The following EIF2AK2 variants were observed in gnomAD, a reference collection of about 807,000 sequenced individuals.
The protein encoded by EIF2AK2 is interferon-induced, double-stranded RNA-activated protein kinase.
EIF2AK2 carries 40 observed loss-of-function variants against 70.5 expected under a neutral mutation model. That is an observed-to-expected ratio of 0.57 (90% CI 0.44 to 0.74). EIF2AK2 has a LOEUF of 0.74. Ranked by LOEUF, EIF2AK2 falls within the 30% of genes least tolerant of loss-of-function variation. EIF2AK2 has a pLI of 0.00. For missense variants in EIF2AK2, 555 were observed against 644.3 expected (o/e 0.86, Z 1.50); for synonymous variants, 198 against 220.9 (o/e 0.90, Z 0.92).
chr2:37,141,772 T>A, intron 4 of EIF2AK2, 71 bp from the exon 5 acceptor site: 1 of 1,422,528 alleles, frequency 7.0e-7, no homozygotes, highest in Non-Finnish European at 9.4e-7. Context: ...ATCATTCTTC[T>A]AATAAAATTA....
intron 10 of EIF2AK2, among the ~76,000 whole-genome samples, 162 bp downstream of exon 10, chr2:37,135,322 C>A (rs1675088856): frequency 6.6e-6 from 1 of 152,146 alleles, no homozygotes; most frequent in Admixed American, 6.6e-5. Flanking sequence ...ATTCCTGGGC[C>A]CCCTCTTAAT....
In EIF2AK2 at chr2:37,106,422, C is replaced by G. The variant is rs1460046065; in HGVS notation, c.*851G>C. 6.6e-6 allele frequency: 1 copy of G among 151,682 alleles called. No individual in the cohort carries two copies. Among genetic ancestry groups the G allele is most frequent in the Non-Finnish European group, 1.5e-5 (1 of 67,954 alleles). 9.4% of individuals were successfully genotyped at this position (151,682 alleles called of 1,614,324 possible). On this transcript the variant is annotated 3_prime_UTR_variant, in exon 17 of 17. Transcript: ENST00000233057. ...TCTTTTGATGTGCATTATGGTTGTTCCCTGTTCTTTTGGCTATTATAAACA... is the reference window on the plus strand; with the variant it reads ...TCTTTTGATGTGCATTATGGTTGTTGCCTGTTCTTTTGGCTATTATAAACA...
chr2:37,156,892 C>G lies in EIF2AK2; in HGVS notation c.-184+16G>C. 1.7e-5 allele frequency: 3 copies of G among 177,168 alleles called. No homozygotes were observed. The allele number at this position is 177,168 out of a possible 1,614,324, so 11.0% of individuals were successfully genotyped here. On this transcript the variant is annotated intron_variant, in intron 1 of 16. Coordinates refer to ENST00000233057, the MANE Select transcript of EIF2AK2 (RefSeq NM_001135651.3). ...CCGCTCCCCGCGCTCCCTCGGCTGCCCCCTGCCCTGCTCACCTGCGCCGCC... is the reference window on the plus strand; with the variant it reads ...CCGCTCCCCGCGCTCCCTCGGCTGCGCCCTGCCCTGCTCACCTGCGCCGCC...
chr2:37,146,795 A>T, intron 4 of EIF2AK2, 58 bp downstream of exon 4: 1 of 1,591,146 alleles, frequency 6.3e-7, no homozygotes, highest in Non-Finnish European at 8.6e-7. Context: ...TCTCACAGAG[A>T]GAAACAGAAA....
chr2:37,142,182 G>C (rs967300622), intron 4 of EIF2AK2, among the ~76,000 whole-genome samples: 1 of 152,070 alleles, frequency 6.6e-6, no homozygotes, highest in African/African-American at 2.4e-5. Flanking sequence ...CCAGGCTAGA[G>C]TGCAGTGGTG....
intron 4 of EIF2AK2, among the ~76,000 whole-genome samples, chr2:37,142,721 A>G (rs1675376995): frequency 6.6e-6 from 1 of 152,198 alleles, no homozygotes; most frequent in Non-Finnish European, 1.5e-5. Flanking sequence ...AATTTTCCCA[A>G]CATTTTCCAA....
At chr2:37,121,535 G>A (rs1195426947) in intron 12 of EIF2AK2, among the ~76,000 whole-genome samples, 1 of 151,158 alleles carries the variant, frequency 6.6e-6, no homozygotes, top group East Asian at 1.9e-4. Context: ...AGAGAGTAAA[G>A]GGAAAGCAAA....
chr2:37,117,438 G>A (rs549842802), intron 13 of EIF2AK2, among the ~76,000 whole-genome samples: 14 of 151,892 alleles, frequency 9.2e-5, no homozygotes, highest in East Asian at 3.9e-4. Context: ...GTGGGGGGCC[G>A]AGGTGGGAGG....
At chr2:37,121,201 T>C (rs1018558915) in intron 12 of EIF2AK2, among the ~76,000 whole-genome samples, 1 of 135,318 alleles carries the variant, frequency 7.4e-6, no homozygotes, top group Non-Finnish European at 1.5e-5. Flanking sequence ...AGGCAGAGCT[T>C]GCAGTGAGCC....
At chr2:37,109,422 A>G (rs948372340) in intron 14 of EIF2AK2, 127 bp from the exon 15 acceptor site, 2 of 724,694 alleles carry the variant, frequency 2.8e-6, no homozygotes, top group African/African-American at 3.6e-5. Flanking sequence ...TATTAGCAAA[A>G]TCTGTGGAGT....
At chr2:37,153,335 A>ATC (rs1261374931) in intron 1 of EIF2AK2, among the ~76,000 whole-genome samples, 4,544 of 79,410 alleles carry the variant, frequency 0.057, 404 homozygotes, top group African/African-American at 0.15. Context: ...GTCTCTGCTA[A>ATC]TCTTTTTTTT....
At chr2:37,110,979 A>C (rs943881372) in intron 14 of EIF2AK2, among the ~76,000 whole-genome samples, 1 of 152,246 alleles carries the variant, frequency 6.6e-6, no homozygotes, top group Admixed American at 6.5e-5. Flanking sequence ...GTCAGCCTTA[A>C]AAAGAAATTC....
rs1436671518 is a variant in EIF2AK2, at chr2:37,104,511, G to T, written c.*2762C>A. 2.0e-5 allele frequency: 3 copies of T among 152,044 alleles called. No homozygotes were observed. The highest frequency in any genetic ancestry group is 4.4e-5 in the Non-Finnish European group (3 of 68,042). 9.4% of individuals were successfully genotyped at this position (152,044 alleles called of 1,614,324 possible). A position where few individuals can be genotyped will look rare whatever the true frequency, so the allele number is the denominator to read the frequency against. ...ATTTTCTGATTTTTTGTAGAGATGA[G>T]AACTCACTGTGTTGCCCAGGCTAGT... On this transcript the variant is annotated 3_prime_UTR_variant, in exon 17 of 17. Transcript: ENST00000233057.
rs969296778 is a variant in EIF2AK2 at position 37,104,895 on chromosome 2, A to C, written c.*2378T>G. The C allele has an allele frequency of 9.2e-5, 14 of 152,228 alleles. No individual in the cohort carries two copies. The highest frequency in any genetic ancestry group is 3.4e-4 in the African/African-American group (14 of 41,456). 9.4% of individuals were successfully genotyped at this position (152,228 alleles called of 1,614,324 possible). Reference sequence around the variant, plus strand: ...ATGTTAGGGTGTTCCACCTTGGGTGATGCTAAATTGAATCACTTGGTTATT... The same window carrying C: ...ATGTTAGGGTGTTCCACCTTGGGTGCTGCTAAATTGAATCACTTGGTTATT... On this transcript the variant is annotated 3_prime_UTR_variant, in exon 17 of 17. Transcript: ENST00000233057.
At chr2:37,132,229 C>T (rs1455473163) in intron 10 of EIF2AK2, among the ~76,000 whole-genome samples, 1 of 152,160 alleles carries the variant, frequency 6.6e-6, no homozygotes, top group Non-Finnish European at 1.5e-5. Context: ...ACAACAACTA[C>T]TCACAGCGGG....
Position 37,145,357 on chromosome 2 carries a change from G to C in EIF2AK2, c.240+1496C>G, listed in dbSNP as rs75963496. On this transcript the variant is annotated intron_variant, in intron 4 of 16. Coordinates refer to ENST00000233057, the MANE Select transcript of EIF2AK2 (RefSeq NM_001135651.3). ...AGGGTTTCACCGTGTTGGCCAGGCT[G>C]ATCTTAAACTCCTGACCTCAGGTGA... Among the ~76,000 whole-genome samples, 6 of 152,062 alleles carry C rather than the reference G, an allele frequency of 3.9e-5. 1 individual carries two copies. In the East Asian group the frequency reaches 1.2e-3, roughly 29 times the overall value.
Position 37,104,464 on chromosome 2 carries a change from T to G in EIF2AK2, c.*2809A>C, listed in dbSNP as rs574002984. On this transcript the variant is annotated 3_prime_UTR_variant, in exon 17 of 17. Coordinates refer to ENST00000233057, the MANE Select transcript of EIF2AK2 (RefSeq NM_001135651.3). The stretch of plus-strand genomic sequence containing the variant: ...CCCCCCAAGTAGCTGGGACCACAGA[T>G]GCACACTACCATGCCCAGCTAATTT... 6.6e-6 allele frequency: 1 copy of G among 152,080 alleles called. No individual in the cohort carries two copies. Among genetic ancestry groups the G allele is most frequent in the African/African-American group, 2.4e-5 (1 of 41,360 alleles). 9.4% of individuals were successfully genotyped at this position (152,080 alleles called of 1,614,324 possible).
intron 10 of EIF2AK2, among the ~76,000 whole-genome samples, chr2:37,130,252 C>A (rs1244380414): frequency 2.0e-5 from 3 of 152,120 alleles, no homozygotes; most frequent in Non-Finnish European, 4.4e-5. Context: ...TAGGTGTGTG[C>A]CACCATGCCC....
Position 37,120,156 on chromosome 2 carries a change from C to T in EIF2AK2, c.1068-17G>A, listed in dbSNP as rs1429185676. Reference sequence around the variant, plus strand: ...GTCTTTGACCTGGGTATAAAATTCACAGTATGTTAAAAGTAACAATAAATA... The same window carrying T: ...GTCTTTGACCTGGGTATAAAATTCATAGTATGTTAAAAGTAACAATAAATA... On this transcript the variant is annotated splice_polypyrimidine_tract_variant and intron_variant, in intron 12 of 16. Transcript: ENST00000233057. The T allele has an allele frequency of 1.5e-6, 2 of 1,373,492 alleles. No individual in the cohort carries two copies. Among genetic ancestry groups the T allele is most frequent in the Non-Finnish European group, 1.9e-6 (2 of 1,054,974 alleles). The allele number at this position is 1,373,492 out of a possible 1,614,324, so 85.1% of individuals were successfully genotyped here.
Sources: allele counts gnomAD v4.1 joint callset (sites outside exome capture counted in the v4.1 genomes callset), GRCh38; gene constraint gnomAD v4.1.1; transcripts MANE v1.5; gene names NCBI Gene and HGNC (gene_info 2026-07-23, HGNC 2026-07-21).